RNF6: variants seen among roughly 807,000 people sequenced by gnomAD.
The protein encoded by RNF6 is E3 ubiquitin-protein ligase RNF6.
Under a neutral mutation model 50.1 loss-of-function variants are expected in RNF6, and 21 were observed. The observed-to-expected ratio is 0.42, with a 90% CI of 0.30 to 0.60. The LOEUF (loss-of-function observed/expected upper bound fraction) is 0.60, where lower values mean the gene tolerates loss of function less well. RNF6 is among the 20% of genes least tolerant of loss of function. The probability of loss-of-function intolerance (pLI) is 0.20; values close to 1 mark genes in which losing one functional copy is unlikely to be tolerated. For synonymous variants in RNF6, 255 were observed against 291.8 expected, an observed-to-expected ratio of 0.87 and a Z score of 1.29; for missense variants, 698 against 838.2, an observed-to-expected ratio of 0.83 and a Z score of 2.07.
At chr13:26,204,685 G>A (rs1333956274) in intron 5 of RNF6, among the ~76,000 whole-genome samples, 4 of 152,092 alleles carry the variant, frequency 2.6e-5, no homozygotes, top group Non-Finnish European at 5.9e-5. Context: ...CTATAAGTCT[G>A]TACTCATCAC....
At chr13:26,144,376 T>C (rs548521447) in intron 5 of RNF6, among the ~76,000 whole-genome samples, 5 of 49,996 alleles carry the variant, frequency 1.0e-4, no homozygotes, top group Admixed American at 3.0e-4. Flanking sequence ...CATGGAAATA[T>C]CTTCATTTTT....
At chr13:26,168,798 T>C (rs1394374745) in intron 5 of RNF6, among the ~76,000 whole-genome samples, 2 of 152,180 alleles carry the variant, frequency 1.3e-5, no homozygotes, top group Non-Finnish European at 2.9e-5. Flanking sequence ...GATTGCTCGA[T>C]TGGAGACTGG....
At chr13:26,182,951 C>T (rs753089030) in intron 5 of RNF6, among the ~76,000 whole-genome samples, 2 of 152,136 alleles carry the variant, frequency 1.3e-5, no homozygotes, top group African/African-American at 2.4e-5. Context: ...AGTTAGCATG[C>T]GGGCTTTGAG....
chr13:26,184,520 A>C (rs1247811499), intron 5 of RNF6, among the ~76,000 whole-genome samples: 1 of 152,196 alleles, frequency 6.6e-6, no homozygotes, highest in African/African-American at 2.4e-5. Context: ...CAAAACTACA[A>C]CAGTATAATT....
At chr13:26,166,834 C>A (rs532013971) in intron 5 of RNF6, among the ~76,000 whole-genome samples, 1 of 152,130 alleles carries the variant, frequency 6.6e-6, no homozygotes, top group African/African-American at 2.4e-5. Context: ...GCATGAGAAC[C>A]ACTTGAAACC....
At chr13:26,212,065 T>C (rs1398928573), downstream of RNF6, among the ~76,000 whole-genome samples, 1 of 152,180 alleles carries the variant, frequency 6.6e-6, no homozygotes, top group Non-Finnish European at 1.5e-5. Flanking sequence ...CAACTGGTAA[T>C]AAAAATAATG....
At chr13:26,144,270 A>G (rs546102744) in intron 5 of RNF6, among the ~76,000 whole-genome samples, 4 of 151,952 alleles carry the variant, frequency 2.6e-5, no homozygotes, top group South Asian at 2.1e-4. Flanking sequence ...GGTGGCTGGG[A>G]AAAAAAAGGA....
At chr13:26,168,701 A>G (rs1217152915) in intron 5 of RNF6, among the ~76,000 whole-genome samples, 2 of 152,242 alleles carry the variant, frequency 1.3e-5, no homozygotes, top group Admixed American at 1.3e-4. Context: ...ACAGAGCATT[A>G]CACAGAAATG....
chr13:26,159,407 A>G (rs1329917516), intron 5 of RNF6, among the ~76,000 whole-genome samples: 3 of 152,020 alleles, frequency 2.0e-5, no homozygotes, highest in Non-Finnish European at 2.9e-5. Flanking sequence ...CGTGAATCAC[A>G]AGGTCAGCAG....
At chr13:26,171,924 C>G (rs1034692207) in intron 5 of RNF6, among the ~76,000 whole-genome samples, 1 of 152,128 alleles carries the variant, frequency 6.6e-6, no homozygotes. Context: ...AGAAGAGTTA[C>G]TGTTTAATGG....
intron 5 of RNF6, among the ~76,000 whole-genome samples, chr13:26,151,662 A>C (rs1288804555): frequency 7.0e-6 from 1 of 142,378 alleles, no homozygotes; most frequent in African/African-American, 2.6e-5. Context: ...TTGGAGACCC[A>C]AGGGAATAAT....
intron 5 of RNF6, among the ~76,000 whole-genome samples, chr13:26,158,821 T>C (rs1301602992): frequency 6.6e-6 from 1 of 152,168 alleles, no homozygotes; most frequent in Non-Finnish European, 1.5e-5. Flanking sequence ...TTTGCCTTTT[T>C]TGTTTGTTTC....
chr13:26,177,743 A>G (rs1873030602), intron 5 of RNF6, among the ~76,000 whole-genome samples: 1 of 152,198 alleles, frequency 6.6e-6, no homozygotes, highest in African/African-American at 2.4e-5. Context: ...ATATTTTCCT[A>G]TCTACCATCT....
In RNF6 at chr13:26,214,883, T is replaced by C; in HGVS notation, c.999A>G (p.Val333=). Reference sequence around the variant, plus strand: ...TAACAGATCTTCTAGTGGTTTGCTGTACTGGTCTACTTTCCCTTTGGGAAT... The same window carrying C: ...TAACAGATCTTCTAGTGGTTTGCTGCACTGGTCTACTTTCCCTTTGGGAAT... ...YHNSQRESRP[V]QQTTRRSVRR... is the part of the protein sequence containing the mutation. The change falls in exon 5 of 5, where the codon GTA becomes GTG. Residue 333 remains valine (V), a synonymous_variant. Transcript: ENST00000381588. 6.2e-7 allele frequency: 1 copy of C among 1,614,262 alleles called. No homozygotes were observed. Among genetic ancestry groups the C allele is most frequent in the Non-Finnish European group, 8.5e-7 (1 of 1,180,046 alleles).
intron 5 of RNF6, among the ~76,000 whole-genome samples, chr13:26,188,504 G>C (rs1873658710): frequency 6.6e-6 from 1 of 151,668 alleles, no homozygotes; most frequent in African/African-American, 2.4e-5. Context: ...AAAAATTCCA[G>C]TCACTGCATA....
intron 5 of RNF6, among the ~76,000 whole-genome samples, chr13:26,161,458 A>G (rs771447754): frequency 2.0e-5 from 3 of 152,110 alleles, no homozygotes; most frequent in African/African-American, 4.8e-5. Flanking sequence ...AAGAATATGA[A>G]GTCTCTTCAT....
In RNF6 at chr13:26,165,524, C is replaced by A. The variant is rs200837192; in HGVS notation, n.769-33073G>T. Among the ~76,000 whole-genome samples the A allele has an allele frequency of 2.6e-5, 4 of 152,138 alleles. No individual in the cohort carries two copies. The East Asian group carries it at 5.8e-4, about 22-fold the overall frequency. ...AGCTTGCACTGTGCACCTGGAAAAGCCACAGACACTCAATGCCAACCCATG... is the reference window on the plus strand; with the variant it reads ...AGCTTGCACTGTGCACCTGGAAAAGACACAGACACTCAATGCCAACCCATG... On this transcript the variant is annotated intron_variant and non_coding_transcript_variant, in intron 5 of 5. Coordinates refer to the RNF6 transcript ENST00000468480.
chr13:26,210,648 G>A (rs1230482710), downstream of RNF6, among the ~76,000 whole-genome samples: 5 of 152,170 alleles, frequency 3.3e-5, no homozygotes, highest in Admixed American at 6.5e-5. Flanking sequence ...AACTTCCCAA[G>A]GCATTTCCAC....
At chr13:26,135,108 C>G (rs1870584490) in intron 5 of RNF6, among the ~76,000 whole-genome samples, 1 of 152,126 alleles carries the variant, frequency 6.6e-6, no homozygotes, top group Non-Finnish European at 1.5e-5. Context: ...GGAAAACCAT[C>G]TCCTTGCATT....
Sources: allele counts gnomAD v4.1 joint callset (sites outside exome capture counted in the v4.1 genomes callset), GRCh38; gene constraint gnomAD v4.1.1; transcripts MANE v1.5; gene names NCBI Gene and HGNC (gene_info 2026-07-23, HGNC 2026-07-21).